The following TAFA5 variants were observed in gnomAD, a reference collection of about 807,000 sequenced individuals.
The protein encoded by TAFA5 is chemokine-like protein TAFA-5.
Under a neutral mutation model 15.3 loss-of-function variants are expected in TAFA5, and 6 were observed. That is an observed-to-expected ratio of 0.39 (90% CI 0.21 to 0.77). The LOEUF (loss-of-function observed/expected upper bound fraction) is 0.77, where lower values mean the gene tolerates loss of function less well. TAFA5 is among the 30% of genes least tolerant of loss of function. The pLI, the probability that TAFA5 is intolerant of heterozygous loss-of-function variation, is 0.41. For missense variants in TAFA5, 161 were observed against 193.1 expected (o/e 0.83, Z 0.98); for synonymous variants, 103 against 80.7 (o/e 1.28, Z -1.48).
intron 3 of TAFA5, among the ~76,000 whole-genome samples, chr22:48,714,324 T>C (rs983457111): frequency 3.3e-5 from 5 of 152,058 alleles, no homozygotes; most frequent in African/African-American, 1.2e-4. Context: ...TGGGAGCGGG[T>C]GGACGGAGCT....
At chr22:48,628,383 G>A (rs932682853) in intron 1 of TAFA5, among the ~76,000 whole-genome samples, 1 of 152,206 alleles carries the variant, frequency 6.6e-6, no homozygotes, top group South Asian at 2.1e-4. Flanking sequence ...CCTCTGGAGT[G>A]TGGCCTTCTG....
At position 48,593,855 on chromosome 22, in the gene TAFA5, C is replaced by G. The variant is rs566756097; in HGVS notation, c.113-52742C>G. On this transcript the variant is annotated intron_variant, in intron 1 of 3. Transcript: ENST00000402357. Reference sequence around the variant, plus strand: ...TGCCCTGCTGTGGACCCCAGTGCAACTGTGAGCATCCGAGGTGGTGAAGGG... The same window carrying G: ...TGCCCTGCTGTGGACCCCAGTGCAAGTGTGAGCATCCGAGGTGGTGAAGGG... Among the ~76,000 whole-genome samples the G allele has an allele frequency of 5.9e-5, 9 of 152,316 alleles. No individual in the cohort carries two copies. In the South Asian group the frequency reaches 1.9e-3, roughly 32 times the overall value.
chr22:48,680,410 G>A (rs544900841), intron 2 of TAFA5, among the ~76,000 whole-genome samples: 13 of 152,140 alleles, frequency 8.5e-5, no homozygotes, highest in East Asian at 7.7e-4. Context: ...CCCTGCTGCC[G>A]GGGCCCTGTG....
At chr22:48,713,935 A>G (rs535466012) in intron 3 of TAFA5, among the ~76,000 whole-genome samples, 15 of 152,392 alleles carry the variant, frequency 9.8e-5, no homozygotes, top group South Asian at 4.1e-4. Context: ...AGAACAGGCT[A>G]GGACCTACCC....
Position 48,522,029 on chromosome 22 carries a change from G to A in TAFA5, c.112+32325G>A, listed in dbSNP as rs138925382. Among the ~76,000 whole-genome samples, 104 of 152,358 alleles carry A rather than the reference G, an allele frequency of 6.8e-4. 1 individual carries two copies. Among genetic ancestry groups the A allele is most frequent in the African/African-American group, 2.2e-3 (90 of 41,588 alleles). ...GGGAGCGCATGGTTACTTCCCTTGC[G>A]GCCTTATTCCTTAGGATAGGTATTC... On this transcript the variant is annotated intron_variant, in intron 1 of 3. Coordinates refer to ENST00000402357, the MANE Select transcript of TAFA5 (RefSeq NM_001082967.3).
chr22:48,668,949 G>A (rs1382014618), intron 2 of TAFA5, among the ~76,000 whole-genome samples: 1 of 152,218 alleles, frequency 6.6e-6, no homozygotes, highest in Non-Finnish European at 1.5e-5. Context: ...CAGTGCTGGC[G>A]ACCTCCCCAG....
At chr22:48,567,529 G>A (rs748274565) in intron 1 of TAFA5, among the ~76,000 whole-genome samples, 1 of 152,232 alleles carries the variant, frequency 6.6e-6, no homozygotes, top group East Asian at 1.9e-4. Context: ...GAGTCCCTGC[G>A]GTTGCTGTGG....
Position 48,646,663 on chromosome 22 carries a change from C to T in TAFA5, c.179C>T (p.Thr60Met), listed in dbSNP as rs373045207. The T allele has an allele frequency of 1.7e-5, 28 of 1,611,956 alleles. No homozygotes were observed. The highest frequency in any genetic ancestry group is 5.3e-5 in the African/African-American group (4 of 74,916). The change falls in exon 2 of 4, where the codon ACG (threonine) becomes ATG (methionine). Residue 60 changes from threonine (T) to methionine (M), a missense_variant. Thr to Met is a moderately conservative substitution (Grantham distance 81, BLOSUM62 -1). Coordinates refer to ENST00000402357, the MANE Select transcript of TAFA5 (RefSeq NM_001082967.3). ...LDRDSSQPRR[T>M]IARQTARCAC... ...CGGGACAGCAGCCAGCCTCGGAGGA[C>T]GATCGCCCGGCAGACCGCCCGCTGT...
At chr22:48,670,415 A>C (rs1927765294) in intron 2 of TAFA5, among the ~76,000 whole-genome samples, 1 of 152,236 alleles carries the variant, frequency 6.6e-6, no homozygotes, top group Non-Finnish European at 1.5e-5. Context: ...CTGGAAGGCC[A>C]GGCCTGGTGG....
At chr22:48,723,898 G>A (rs1222364763) in intron 3 of TAFA5, among the ~76,000 whole-genome samples, 1 of 152,200 alleles carries the variant, frequency 6.6e-6, no homozygotes, top group East Asian at 1.9e-4. Context: ...TTCCACATGT[G>A]GTATCTTCCA....
At position 48,742,475 on chromosome 22, in the gene TAFA5, C is replaced by T. The variant is rs551713650; in HGVS notation, c.391-7364C>T. 1.3e-5 allele frequency among the ~76,000 whole-genome samples: 2 copies of T among 152,226 alleles called. No individual in the cohort carries two copies. The highest frequency in any genetic ancestry group is 2.1e-4 in the South Asian group (1 of 4,804). Reference sequence around the variant, plus strand: ...GGGTGGTGCTGTGTGGCGGAGCTGGCGGCGCAGTGGAGCGGGCGTTGTGGT... The same window carrying T: ...GGGTGGTGCTGTGTGGCGGAGCTGGTGGCGCAGTGGAGCGGGCGTTGTGGT... On this transcript the variant is annotated intron_variant, in intron 3 of 3. Coordinates refer to ENST00000402357, the MANE Select transcript of TAFA5 (RefSeq NM_001082967.3). This position sits in a 1 kb window ranked among gnomAD's most constrained non-coding sequence, Gnocchi z 6.2.
chr22:48,564,420 T>G (rs1476285410), intron 1 of TAFA5, among the ~76,000 whole-genome samples: 4 of 152,256 alleles, frequency 2.6e-5, no homozygotes, highest in African/African-American at 9.6e-5. Flanking sequence ...GCTGACCTTT[T>G]GGGCCTGAAG....
Position 48,749,828 on chromosome 22 carries a change from T to G in TAFA5, c.391-11T>G. 1 of 1,561,468 alleles carries G rather than the reference T, an allele frequency of 6.4e-7. No individual in the cohort carries two copies. Among genetic ancestry groups the G allele is most frequent in the Non-Finnish European group, 8.7e-7 (1 of 1,152,132 alleles). ...CAGGAGGCTCACCCTCTCTCTCTCT[T>G]TGCTCCTCAGGTCTCCTGACAAACA... On this transcript the variant is annotated splice_polypyrimidine_tract_variant and intron_variant, in intron 3 of 3. Coordinates refer to ENST00000402357, the MANE Select transcript of TAFA5 (RefSeq NM_001082967.3).
intron 1 of TAFA5, among the ~76,000 whole-genome samples, chr22:48,497,305 G>C (rs917687213): frequency 6.6e-6 from 1 of 152,220 alleles, no homozygotes; most frequent in Non-Finnish European, 1.5e-5. Flanking sequence ...GGCCCGGCAG[G>C]GTTCTTCCAT....
chr22:48,641,247 C>G (rs1926665237), intron 1 of TAFA5, among the ~76,000 whole-genome samples: 2 of 152,258 alleles, frequency 1.3e-5, no homozygotes, highest in Admixed American at 6.5e-5. Context: ...TGGCCACATT[C>G]TTTCCACAGA....
chr22:48,542,210 CATG>C (rs543945967), intron 1 of TAFA5, among the ~76,000 whole-genome samples: 1,711 of 108,706 alleles, frequency 0.016, 17 homozygotes, highest in Non-Finnish European at 0.022. Context: ...GTGTGATGTA[CATG>C]ATGTGTGGTG....
rs536721742 is a variant in TAFA5, at chr22:48,697,329, T to C, written c.263-10388T>C. On this transcript the variant is annotated intron_variant, in intron 2 of 3. Transcript: ENST00000402357. ...CTGCTGACGATGGAGATGGTGGTTA[T>C]GGTGACAGTGGTGATGATGATGATG... 4.8e-3 allele frequency among the ~76,000 whole-genome samples: 723 copies of C among 151,266 alleles called. 3 individuals are homozygous for C. The highest frequency in any genetic ancestry group is 0.01 in the Middle Eastern group (3 of 294).
chr22:48,577,750 G>T (rs938001017), intron 1 of TAFA5, among the ~76,000 whole-genome samples: 1 of 152,192 alleles, frequency 6.6e-6, no homozygotes, highest in Non-Finnish European at 1.5e-5. Context: ...TTGGATGTGG[G>T]CACCTAGTAC....
At chr22:48,629,069 G>A (rs1007866750) in intron 1 of TAFA5, among the ~76,000 whole-genome samples, 1 of 152,118 alleles carries the variant, frequency 6.6e-6, no homozygotes, top group African/African-American at 2.4e-5. Context: ...CCCTCCGCAG[G>A]CCCTGCCGGC....
Sources: gnomAD v4.1 joint callset for allele counts (sites outside exome capture counted in the v4.1 genomes callset) on GRCh38, gnomAD v4.1.1 for gene constraint, Gnocchi (gnomAD v3.1) non-coding constraint, MANE v1.5 for transcripts, NCBI Gene and HGNC (gene_info 2026-07-23, HGNC 2026-07-21) for gene names.